The following TM2D1 variants were observed in gnomAD, a reference collection of about 807,000 sequenced individuals.
TM2D1 encodes the protein TM2 domain containing 1.
TM2D1 carries 15 observed loss-of-function variants against 28.4 expected under a neutral mutation model. The observed-to-expected ratio is 0.53, with a 90% CI of 0.35 to 0.81. The LOEUF (loss-of-function observed/expected upper bound fraction) is 0.81, where lower values mean the gene tolerates loss of function less well. Among genes scored for constraint, TM2D1 ranks in the 40% least tolerant of loss-of-function variants. TM2D1 has a pLI of 0.01. For synonymous variants in TM2D1, 93 were observed against 96.2 expected (o/e 0.97, Z 0.20); for missense variants, 236 against 254.9 (o/e 0.93, Z 0.50).
At chr1:61,720,246 T>C (rs1644553726) in intron 2 of TM2D1, among the ~76,000 whole-genome samples, 1 of 152,098 alleles carries the variant, frequency 6.6e-6, no homozygotes, top group Admixed American at 6.6e-5. Flanking sequence ...CACTTCTTTT[T>C]TTTTTTCTTT....
chr1:61,704,587 A>G (rs1644427609), intron 3 of TM2D1, among the ~76,000 whole-genome samples: 1 of 151,402 alleles, frequency 6.6e-6, no homozygotes, highest in South Asian at 2.1e-4. Context: ...GCCCACCACC[A>G]CTCCCGGCTA....
At chr1:61,700,341 T>C (rs1018870756) in intron 4 of TM2D1, 4 of 1,373,228 alleles carry the variant, frequency 2.9e-6, no homozygotes, top group Non-Finnish European at 3.8e-6. Flanking sequence ...AGGGCAGGCA[T>C]GTGAAAGTAC....
chr1:61,685,830 C>CTT (rs1644281221), intron 5 of TM2D1, among the ~76,000 whole-genome samples: 1 of 152,146 alleles, frequency 6.6e-6, no homozygotes, highest in Non-Finnish European at 1.5e-5. Context: ...AAAGCAAGAA[C>CTT]TTTGCCTCTA....
intron 5 of TM2D1, among the ~76,000 whole-genome samples, chr1:61,685,221 A>C (rs1004996507): frequency 6.6e-6 from 1 of 152,238 alleles, no homozygotes; most frequent in African/African-American, 2.4e-5. Flanking sequence ...GTTAGTGAAG[A>C]GTTCATGCAC....
At chr1:61,694,518 G>A in intron 5 of TM2D1, 179 bp downstream of exon 5, 1 of 444,058 alleles carries the variant, frequency 2.3e-6, no homozygotes, top group African/African-American at 2.0e-5. Context: ...GTAGAGCACA[G>A]TTTGAGAAAT....
At chr1:61,716,870 A>G (rs1201557514) in intron 2 of TM2D1, among the ~76,000 whole-genome samples, 6 of 152,080 alleles carry the variant, frequency 3.9e-5, no homozygotes, top group African/African-American at 1.4e-4. Flanking sequence ...TTCCTTTCAC[A>G]AACAGGAAAA....
At chr1:61,717,014 G>A (rs12137410) in intron 2 of TM2D1, among the ~76,000 whole-genome samples, 26,922 of 151,952 alleles carry the variant, frequency 0.18, 2,998 homozygotes, top group Non-Finnish European at 0.25. Context: ...ACTGATTTCA[G>A]CAATAAGCAA....
intron 4 of TM2D1, chr1:61,699,929 C>A: frequency 2.7e-6 from 1 of 367,818 alleles, no homozygotes; most frequent in Non-Finnish European, 4.6e-6. Flanking sequence ...TATCTACCAT[C>A]AACCCCACAG....
At position 61,700,930 on chromosome 1, in the gene TM2D1, G is replaced by A. The variant is rs924469970; in HGVS notation, c.439+4C>T. On this transcript the variant is annotated splice_donor_region_variant and intron_variant, in intron 4 of 6. Coordinates refer to ENST00000606498, the MANE Select transcript of TM2D1 (RefSeq NM_032027.3). ...AGGATTTTTTTTTAATGAAACATACGCACCCAAAGCAGGGTATCCAAGGTA... is the reference window on the plus strand; with the variant it reads ...AGGATTTTTTTTTAATGAAACATACACACCCAAAGCAGGGTATCCAAGGTA... 10 of 1,592,898 alleles carry A rather than the reference G, an allele frequency of 6.3e-6. No individual in the cohort carries two copies. Among genetic ancestry groups the A allele is most frequent in the Middle Eastern group, 3.3e-4 (2 of 5,980 alleles).
At chr1:61,693,917 AC>A (rs1644345776) in intron 5 of TM2D1, among the ~76,000 whole-genome samples, 2 of 152,188 alleles carry the variant, frequency 1.3e-5, no homozygotes, top group Non-Finnish European at 2.9e-5. Context: ...TCATGAGTTA[AC>A]CACAATCAGT....
intron 2 of TM2D1, among the ~76,000 whole-genome samples, chr1:61,717,724 C>A (rs1396217223): frequency 6.6e-6 from 1 of 151,938 alleles, no homozygotes; most frequent in Admixed American, 6.6e-5. Context: ...CAGGCACACA[C>A]CACCACCACA....
At chr1:61,709,135 A>C (rs978538705) in intron 3 of TM2D1, among the ~76,000 whole-genome samples, 194 bp downstream of exon 3, 1 of 152,178 alleles carries the variant, frequency 6.6e-6, no homozygotes, top group Non-Finnish European at 1.5e-5. Flanking sequence ...ACTGCACTCC[A>C]GCCTGAGTGA....
intron 3 of TM2D1, among the ~76,000 whole-genome samples, chr1:61,705,560 C>A (rs2148053312): frequency 6.6e-6 from 1 of 152,286 alleles, no homozygotes; most frequent in East Asian, 1.9e-4. Context: ...GCAGCCATAA[C>A]TGAGTTTTGG....
At chr1:61,717,367 CAAAA>C (rs767043287) in intron 2 of TM2D1, among the ~76,000 whole-genome samples, 1 of 121,742 alleles carries the variant, frequency 8.2e-6, no homozygotes. Context: ...GACTCCGCCT[CAAAA>C]AAAAAAAAAG....
At chr1:61,701,457 T>A (rs965192125) in intron 3 of TM2D1, among the ~76,000 whole-genome samples, 4 of 152,030 alleles carry the variant, frequency 2.6e-5, no homozygotes, top group Middle Eastern at 6.8e-3. Context: ...GGCCATGCCA[T>A]GCTTCTGAGG....
At chr1:61,694,466 AT>A in intron 5 of TM2D1, 1 of 343,334 alleles carries the variant, frequency 2.9e-6, no homozygotes, top group Non-Finnish European at 5.3e-6. Context: ...AGCACGGGAT[AT>A]TTTTTAATGA....
At chr1:61,684,055 T>C (rs1376238726) in intron 5 of TM2D1, among the ~76,000 whole-genome samples, 2 of 152,172 alleles carry the variant, frequency 1.3e-5, no homozygotes, top group East Asian at 3.8e-4. Flanking sequence ...CCAGGCTGCC[T>C]GTAGGAGATG....
intron 2 of TM2D1, among the ~76,000 whole-genome samples, chr1:61,713,127 G>C (rs543707752): frequency 6.8e-6 from 1 of 147,860 alleles, no homozygotes; most frequent in Non-Finnish European, 1.5e-5. Context: ...TTGAGATTGC[G>C]CCACTGCACT....
chr1:61,714,739 A>G (rs1043316655), intron 2 of TM2D1, among the ~76,000 whole-genome samples: 4 of 152,008 alleles, frequency 2.6e-5, no homozygotes, highest in Non-Finnish European at 5.9e-5. Context: ...ATTTTTTTGT[A>G]GAGACAGGTT....
Sources: gnomAD v4.1 joint callset for allele counts (sites outside exome capture counted in the v4.1 genomes callset) on GRCh38, gnomAD v4.1.1 for gene constraint, MANE v1.5 for transcripts, NCBI Gene and HGNC (gene_info 2026-07-23, HGNC 2026-07-21) for gene names.